The following PSMD12 variants were observed in gnomAD, a reference collection of about 807,000 sequenced individuals.
PSMD12 encodes the protein proteasome 26S subunit, non-ATPase 12.
Under a neutral mutation model 62.9 loss-of-function variants are expected in PSMD12, and 8 were observed. The observed-to-expected ratio is 0.13, with a 90% CI of 0.07 to 0.23. The LOEUF (loss-of-function observed/expected upper bound fraction) is 0.23, where lower values mean the gene tolerates loss of function less well. Ranked by LOEUF, PSMD12 falls within the 10% of genes least tolerant of loss-of-function variation. The probability of loss-of-function intolerance (pLI) is 1.00; values close to 1 mark genes in which losing one functional copy is unlikely to be tolerated. For synonymous variants in PSMD12, 173 were observed against 187.4 expected (o/e 0.92, Z 0.63); for missense variants, 424 against 550.2 (o/e 0.77, Z 2.29).
rs753760315 is a variant in PSMD12, at chr17:67,344,743, G to C, written c.946C>G (p.Arg316Gly). 1.2e-6 allele frequency: 2 copies of C among 1,605,646 alleles called. No homozygotes were observed. The highest frequency in any genetic ancestry group is 1.1e-5 in the South Asian group (1 of 89,658). The change falls in exon 9 of 11, where the codon CGT becomes GGT. Residue 316 changes from arginine to glycine, a missense_variant. Transcript: ENST00000356126. ...TAGTCCTCAACAAGTGTGGACCAAC[G>C]CATCAACTCCATTGTGGTAAAAAGC... ...LKLFTTMELM[R>G]WSTLVEDYGM...
In PSMD12 at chr17:67,353,062, C is replaced by T. The variant is rs144449580; in HGVS notation, c.298-2726G>A. Among the ~76,000 whole-genome samples the T allele has an allele frequency of 1.5e-4, 23 of 152,206 alleles. No homozygotes were observed. The East Asian group carries it at 4.4e-3, about 29-fold the overall frequency. ...CTGGTCTCCAGAGAGGATTTTTGGACATATTCCTTATGGACAAAGGGGGAC... is the reference window on the plus strand; with the variant it reads ...CTGGTCTCCAGAGAGGATTTTTGGATATATTCCTTATGGACAAAGGGGGAC... On this transcript the variant is annotated intron_variant, in intron 3 of 10. Coordinates refer to ENST00000356126, the MANE Select transcript of PSMD12 (RefSeq NM_002816.5).
intron 3 of PSMD12, among the ~76,000 whole-genome samples, chr17:67,356,115 C>T (rs2042068854): frequency 6.6e-6 from 1 of 152,010 alleles, no homozygotes; most frequent in Non-Finnish European, 1.5e-5. Context: ...GGAAATGCAG[C>T]CTTGAGCTGT....
intron 3 of PSMD12, among the ~76,000 whole-genome samples, chr17:67,353,095 C>T (rs2042033429): frequency 1.3e-5 from 2 of 152,056 alleles, no homozygotes; most frequent in African/African-American, 4.8e-5. Context: ...GACTACTGTA[C>T]ATTAATACGC....
At chr17:67,358,022 A>G (rs2042092786) in intron 1 of PSMD12, among the ~76,000 whole-genome samples, 1 of 151,742 alleles carries the variant, frequency 6.6e-6, no homozygotes, top group African/African-American at 2.4e-5. Flanking sequence ...CCCGGGTTCT[A>G]GCGATTCTCA....
At position 67,366,432 on chromosome 17, in the gene PSMD12, C is replaced by T. The variant is rs2042180126; in HGVS notation, c.88G>A (p.Glu30Lys). 1 of 1,612,048 alleles carries T rather than the reference C, an allele frequency of 6.2e-7. No homozygotes were observed. The highest frequency in any genetic ancestry group is 8.5e-7 in the Non-Finnish European group (1 of 1,179,088). ...CTCACCTTGGCTAGCTTCGCACACT[C>T]GGGTAGGCGCTGATCCACCGTGGCG... ...YSATVDQRLP[E>K]CAKLAKEGRL... Residue 30 changes from glutamate to lysine, a missense_variant, in exon 1 of 11, where the codon GAG becomes AAG. Coordinates refer to ENST00000356126, the MANE Select transcript of PSMD12 (RefSeq NM_002816.5).
At chr17:67,341,958 T>C (rs1423779838) in intron 10 of PSMD12, among the ~76,000 whole-genome samples, 1 of 152,224 alleles carries the variant, frequency 6.6e-6, no homozygotes, top group African/African-American at 2.4e-5. Context: ...TTGTGTGCTA[T>C]GCATTTTGTC....
intron 3 of PSMD12, among the ~76,000 whole-genome samples, chr17:67,353,778 T>C (rs1342186969): frequency 2.6e-5 from 4 of 152,282 alleles, no homozygotes; most frequent in African/African-American, 9.6e-5. Context: ...GAAAGGAGCA[T>C]GCCTGGCTCC....
intron 3 of PSMD12, among the ~76,000 whole-genome samples, chr17:67,356,520 T>C (rs939074916): frequency 1.0e-4 from 11 of 105,420 alleles, no homozygotes; most frequent in African/African-American, 4.0e-4. Flanking sequence ...ATCGCGCCAC[T>C]GCACTCCAGC....
rs1294752028 is a variant in PSMD12, at chr17:67,339,348, T to C, written c.*1495A>G. ...CTAGTCTCGAAATCCTGACCTTAGA[T>C]GATCCACCCGCCTTGGCCTCCCAAA... On this transcript the variant is annotated 3_prime_UTR_variant, in exon 11 of 11. Transcript: ENST00000356126. 2.0e-5 allele frequency: 3 copies of C among 152,238 alleles called. No individual in the cohort carries two copies. Among genetic ancestry groups the C allele is most frequent in the East Asian group, 3.8e-4 (2 of 5,198 alleles). The allele number at this position is 152,238 out of a possible 1,614,324, so 9.4% of individuals were successfully genotyped here.
intron 1 of PSMD12, among the ~76,000 whole-genome samples, chr17:67,363,616 C>T (rs1407817622): frequency 6.6e-6 from 1 of 152,098 alleles, no homozygotes; most frequent in Non-Finnish European, 1.5e-5. Flanking sequence ...GTGAAAATAA[C>T]AAGACGTTCT....
At chr17:67,363,411 C>A (rs954294699) in intron 1 of PSMD12, among the ~76,000 whole-genome samples, 1 of 152,100 alleles carries the variant, frequency 6.6e-6, no homozygotes, top group Admixed American at 6.5e-5. Context: ...TCCCAAAGTG[C>A]TATATACACA....
At chr17:67,347,287 G>C (rs1313514885) in intron 6 of PSMD12, 37 bp from the exon 7 acceptor site, 1 of 1,611,386 alleles carries the variant, frequency 6.2e-7, no homozygotes, top group African/African-American at 1.3e-5. Context: ...GGGGTTTATG[G>C]GTTTTATTCA....
chr17:67,363,538 AG>A (rs1160572010), intron 1 of PSMD12, among the ~76,000 whole-genome samples: 2 of 152,240 alleles, frequency 1.3e-5, no homozygotes, highest in Non-Finnish European at 2.9e-5. Flanking sequence ...TCTTTTTACC[AG>A]GAGATGTGAG....
chr17:67,362,976 T>TTATCATTTGCA (rs1363864821), intron 1 of PSMD12: 1 of 152,184 alleles, frequency 6.6e-6, no homozygotes, highest in Non-Finnish European at 1.5e-5. Flanking sequence ...ATATTAGTTA[T>TTATCATTTGCA]TATCATTTGC....
At chr17:67,341,569 A>G (rs2041915872) in intron 10 of PSMD12, among the ~76,000 whole-genome samples, 3 of 151,320 alleles carry the variant, frequency 2.0e-5, no homozygotes, top group Admixed American at 2.0e-4. Flanking sequence ...GAATCTGAGT[A>G]GACTCAGTCA....
At chr17:67,349,169 G>A (rs369613959) in intron 4 of PSMD12, among the ~76,000 whole-genome samples, 73 of 152,208 alleles carry the variant, frequency 4.8e-4, no homozygotes, top group African/African-American at 1.6e-3. Flanking sequence ...ACAGGCATGC[G>A]CCACCACGCC....
At chr17:67,344,841 A>C in intron 8 of PSMD12, 61 bp from the exon 9 acceptor site, 1 of 1,316,746 alleles carries the variant, frequency 7.6e-7, no homozygotes, top group East Asian at 2.6e-5. Context: ...AACTAATATA[A>C]TAGCAAAGTT....
chr17:67,362,357 A>T (rs1567962103), intron 1 of PSMD12, among the ~76,000 whole-genome samples: 1 of 152,160 alleles, frequency 6.6e-6, no homozygotes, highest in Admixed American at 6.5e-5. Flanking sequence ...CACACCAATC[A>T]CAGAGGCGGT....
rs1567951443 is a variant in PSMD12 at position 67,342,073 on chromosome 17, C to T, written c.1161+113G>A. The T allele has an allele frequency of 6.2e-6, 5 of 809,126 alleles. No individual in the cohort carries two copies. In the East Asian group the frequency reaches 1.3e-4, roughly 21 times the overall value. 50.1% of individuals were successfully genotyped at this position (809,126 alleles called of 1,614,324 possible). ...CTCAAGATTGCTTGGGAAACTATTA[C>T]TCTATTACCTAAACATAAAATTAAA... On this transcript the variant is annotated intron_variant, in intron 10 of 10. Transcript: ENST00000356126.
Sources: allele counts gnomAD v4.1 joint callset (sites outside exome capture counted in the v4.1 genomes callset), GRCh38; gene constraint gnomAD v4.1.1; transcripts MANE v1.5; gene names NCBI Gene and HGNC (gene_info 2026-07-23, HGNC 2026-07-21).